The following CCSER1 variants were observed in gnomAD, a reference collection of about 807,000 sequenced individuals.
CCSER1 encodes the protein coiled-coil serine rich protein 1.
CCSER1 carries 41 observed loss-of-function variants against 82.0 expected under a neutral mutation model. That is an observed-to-expected ratio of 0.50 (90% CI 0.39 to 0.65). The LOEUF (loss-of-function observed/expected upper bound fraction) is 0.65. Among genes scored for constraint, CCSER1 ranks in the 30% least tolerant of loss-of-function variants. The probability of loss-of-function intolerance (pLI) is 0.00; values close to 1 mark genes in which losing one functional copy is unlikely to be tolerated. For synonymous variants in CCSER1, 414 were observed against 383.9 expected (o/e 1.08, Z -0.92); for missense variants, 1,119 against 1,064.2 (o/e 1.05, Z -0.72).
intron 10 of CCSER1, among the ~76,000 whole-genome samples, chr4:91,536,432 G>C (rs1044717440): frequency 2.0e-5 from 3 of 152,050 alleles, no homozygotes; most frequent in African/African-American, 7.2e-5. Context: ...GATTCTATCT[G>C]TTTGCCACTG....
intron 10 of CCSER1, among the ~76,000 whole-genome samples, chr4:91,583,907 T>C (rs1487938997): frequency 6.6e-6 from 1 of 151,392 alleles, no homozygotes; most frequent in African/African-American, 2.4e-5. Context: ...AAGTGAGGAC[T>C]AAGGAGGATT....
chr4:91,479,715 CTTTT>C (rs1158515785), intron 10 of CCSER1, among the ~76,000 whole-genome samples: 6 of 105,818 alleles, frequency 5.7e-5, no homozygotes, highest in Admixed American at 1.9e-4. Flanking sequence ...TTTTTTCTTT[CTTTT>C]TTATTTATTT....
chr4:91,221,916 G>A (rs536371388), intron 10 of CCSER1, among the ~76,000 whole-genome samples: 1 of 152,026 alleles, frequency 6.6e-6, no homozygotes, highest in African/African-American at 2.4e-5. Flanking sequence ...TTGTCCGAAA[G>A]GGAAATTGTT....
At chr4:90,725,930 C>G (rs1442659900) in intron 7 of CCSER1, among the ~76,000 whole-genome samples, 1 of 151,802 alleles carries the variant, frequency 6.6e-6, no homozygotes, top group Admixed American at 6.6e-5. Flanking sequence ...CACCTATTCC[C>G]CATGAATGTG....
At chr4:91,523,360 C>T (rs1448650971) in intron 10 of CCSER1, among the ~76,000 whole-genome samples, 1 of 152,118 alleles carries the variant, frequency 6.6e-6, no homozygotes, top group Non-Finnish European at 1.5e-5. Context: ...CTCTGCCAGG[C>T]TTTGGTATCA....
At chr4:90,961,367 G>A (rs1323110813) in intron 9 of CCSER1, among the ~76,000 whole-genome samples, 1 of 151,968 alleles carries the variant, frequency 6.6e-6, no homozygotes, top group Non-Finnish European at 1.5e-5. Context: ...CTCAATTCAA[G>A]GACCAAAAAT....
At chr4:90,187,442 C>T (rs998462767) in intron 1 of CCSER1, among the ~76,000 whole-genome samples, 1 of 150,224 alleles carries the variant, frequency 6.7e-6, no homozygotes, top group Non-Finnish European at 1.5e-5. Context: ...TTCACTCACA[C>T]ACACACACAA....
chr4:91,341,223 A>C (rs1436613577), intron 10 of CCSER1, among the ~76,000 whole-genome samples: 2 of 152,170 alleles, frequency 1.3e-5, no homozygotes, highest in South Asian at 4.1e-4. Flanking sequence ...TTTTATTTTC[A>C]TAATTTTCTC....
intron 5 of CCSER1, among the ~76,000 whole-genome samples, chr4:90,617,780 C>T (rs1721561023): frequency 6.6e-6 from 1 of 152,106 alleles, no homozygotes; most frequent in African/African-American, 2.4e-5. Flanking sequence ...CGATGACATT[C>T]TGTCTTCATG....
intron 1 of CCSER1, among the ~76,000 whole-genome samples, chr4:90,227,160 A>T (rs1743325806): frequency 6.6e-6 from 1 of 152,184 alleles, no homozygotes; most frequent in Non-Finnish European, 1.5e-5. Flanking sequence ...CTGGCTCAGC[A>T]TCTGCTTCTG....
At chr4:91,209,192 G>T (rs1175798365) in intron 10 of CCSER1, among the ~76,000 whole-genome samples, 2 of 151,540 alleles carry the variant, frequency 1.3e-5, no homozygotes, top group East Asian at 3.9e-4. Context: ...TTTCTCTTTG[G>T]GTGCCTTTTA....
At chr4:90,302,990 T>C (rs912538718) in intron 1 of CCSER1, among the ~76,000 whole-genome samples, 1 of 152,166 alleles carries the variant, frequency 6.6e-6, no homozygotes, top group Non-Finnish European at 1.5e-5. Context: ...AATCTTGACC[T>C]ATAGTCTATT....
rs370258853 is a variant in CCSER1, at chr4:90,330,973, C to T, written c.1509+17926C>T. Among the ~76,000 whole-genome samples the T allele has an allele frequency of 4.0e-5, 6 of 151,848 alleles. No homozygotes were observed. In the East Asian group the frequency reaches 7.7e-4, roughly 19 times the overall value. On this transcript the variant is annotated intron_variant, in intron 3 of 10. Transcript: ENST00000509176. ...GTAATTTTTAGGAAATCAGAACAAG[C>T]GACCTATTCAAATGATTTCTACAGA...
intron 10 of CCSER1, among the ~76,000 whole-genome samples, chr4:91,095,728 C>T (rs1386494399): frequency 6.6e-6 from 1 of 152,146 alleles, no homozygotes; most frequent in African/African-American, 2.4e-5. Flanking sequence ...ACTTCAGAAA[C>T]TTCATTTACA....
chr4:90,262,817 C>T (rs1237405119), intron 1 of CCSER1, among the ~76,000 whole-genome samples: 1 of 152,166 alleles, frequency 6.6e-6, no homozygotes, highest in Non-Finnish European at 1.5e-5. Flanking sequence ...ACAGGTACCT[C>T]TTTTTGTCTG....
At chr4:91,005,999 A>G (rs1334945593) in intron 9 of CCSER1, among the ~76,000 whole-genome samples, 3 of 152,298 alleles carry the variant, frequency 2.0e-5, no homozygotes, top group Middle Eastern at 3.4e-3. Flanking sequence ...TTGAAATCAG[A>G]TAGCATGATA....
At chr4:90,249,585 C>G (rs1023523921) in intron 1 of CCSER1, among the ~76,000 whole-genome samples, 3 of 152,120 alleles carry the variant, frequency 2.0e-5, no homozygotes, top group Non-Finnish European at 4.4e-5. Flanking sequence ...ATAAATAGAA[C>G]ATACAATATG....
At chr4:91,540,476 T>C (rs1761529605) in intron 10 of CCSER1, among the ~76,000 whole-genome samples, 1 of 152,154 alleles carries the variant, frequency 6.6e-6, no homozygotes, top group Non-Finnish European at 1.5e-5. Flanking sequence ...ATCAGATGCG[T>C]ATTGAATATT....
chr4:91,563,888 T>G (rs1041467358), intron 10 of CCSER1, among the ~76,000 whole-genome samples: 2 of 151,816 alleles, frequency 1.3e-5, no homozygotes, highest in Non-Finnish European at 2.9e-5. Flanking sequence ...GTTCTGTTTT[T>G]TAAACTTTAA....
Sources: gnomAD v4.1 joint callset for allele counts (sites outside exome capture counted in the v4.1 genomes callset) on GRCh38, gnomAD v4.1.1 for gene constraint, MANE v1.5 for transcripts, NCBI Gene and HGNC (gene_info 2026-07-23, HGNC 2026-07-21) for gene names.